THSD7A: variants seen among roughly 807,000 people sequenced by gnomAD.
THSD7A encodes thrombospondin type 1 domain containing 7A, also known as thrombospondin type-1 domain-containing protein 7A.
THSD7A carries 96 observed loss-of-function variants against 231.3 expected under a neutral mutation model. The observed-to-expected ratio is 0.41, with a 90% CI of 0.35 to 0.49. The LOEUF (loss-of-function observed/expected upper bound fraction) is 0.49. Among genes scored for constraint, THSD7A ranks in the 20% least tolerant of loss-of-function variants. The pLI is 0.05. For synonymous variants in THSD7A, 940 were observed against 743.3 expected (o/e 1.26, Z -4.30); for missense variants, 2,290 against 2,070.2 (o/e 1.11, Z -2.06).
intron 4 of THSD7A, among the ~76,000 whole-genome samples, chr7:11,588,347 G>A (rs748452968): frequency 3.3e-5 from 5 of 152,060 alleles, no homozygotes; most frequent in Non-Finnish European, 5.9e-5. Flanking sequence ...ACATTTTTAG[G>A]GAGAATTAAC....
chr7:11,636,413 C>T lies in THSD7A; in HGVS notation c.739G>A (p.Glu247Lys), dbSNP rs756049301. Residue 247 changes from glutamate (E) to lysine (K), a missense_variant, in exon 2 of 28, where the codon GAG becomes AAG. Coordinates refer to ENST00000423059, the MANE Select transcript of THSD7A (RefSeq NM_015204.3). This position sits in a 1 kb window ranked among gnomAD's most constrained non-coding sequence, Gnocchi z 10.0. ...AGGCTGTACCTGAGCTCCTCGGCCTCGCATGGACTGGATTGGCACACCTGG... is the reference window on the plus strand; with the variant it reads ...AGGCTGTACCTGAGCTCCTCGGCCTTGCATGGACTGGATTGGCACACCTGG... ...EFQVCQSSPC[E>K]AEELRYSLHV... 9.3e-6 allele frequency: 15 copies of T among 1,613,576 alleles called. No homozygotes were observed. The highest frequency in any genetic ancestry group is 1.1e-5 in the South Asian group (1 of 91,086).
At chr7:11,537,557 CCTTCCACCATGAGTAAAAG>C (rs1177937675) in intron 6 of THSD7A, among the ~76,000 whole-genome samples, 1 of 152,108 alleles carries the variant, frequency 6.6e-6, no homozygotes, top group East Asian at 1.9e-4. Context: ...TCCCACTTAG[CCTTCCACCATGAGTAAAAG>C]CTTCCTGAGG....
intron 4 of THSD7A, among the ~76,000 whole-genome samples, chr7:11,572,318 AT>A (rs1790672943): frequency 6.6e-6 from 1 of 152,112 alleles, no homozygotes; most frequent in African/African-American, 2.4e-5. Context: ...AATAATTTCT[AT>A]TGACTTGTCT....
intron 1 of THSD7A, among the ~76,000 whole-genome samples, chr7:11,821,804 TATTTC>T (rs912578825): frequency 6.6e-6 from 1 of 152,194 alleles, no homozygotes; most frequent in African/African-American, 2.4e-5. Flanking sequence ...CATCTGCCCT[TATTTC>T]ATTTCTTTTC....
intron 1 of THSD7A, among the ~76,000 whole-genome samples, chr7:11,774,919 G>T (rs915315462): frequency 6.6e-6 from 1 of 152,122 alleles, no homozygotes; most frequent in South Asian, 2.1e-4. Context: ...GCTGTGCGTG[G>T]TGGCATGTGC....
At chr7:11,393,254 G>A (rs549335819) in intron 23 of THSD7A, among the ~76,000 whole-genome samples, 83 of 152,234 alleles carry the variant, frequency 5.5e-4, no homozygotes, top group African/African-American at 1.9e-3. Context: ...ACAGGGTCTG[G>A]AGTGGACCTC....
intron 6 of THSD7A, among the ~76,000 whole-genome samples, chr7:11,483,097 C>T (rs1786497822): frequency 6.6e-6 from 1 of 152,130 alleles, no homozygotes; most frequent in East Asian, 1.9e-4. Flanking sequence ...GTGTGCCTCG[C>T]ATTAGGCATT....
chr7:11,379,469 C>T (rs558254846), intron 25 of THSD7A, 161 bp downstream of exon 25: 2 of 861,662 alleles, frequency 2.3e-6, no homozygotes, highest in South Asian at 3.6e-5. Flanking sequence ...AAGGTGAAAG[C>T]AAGTGAAGTC....
At chr7:11,540,541 G>A (rs994151646) in intron 6 of THSD7A, among the ~76,000 whole-genome samples, 1 of 152,224 alleles carries the variant, frequency 6.6e-6, no homozygotes, top group Non-Finnish European at 1.5e-5. Context: ...GGACCCTGGG[G>A]TTTAGCACTC....
chr7:11,503,040 T>C (rs1383375615), intron 6 of THSD7A, among the ~76,000 whole-genome samples: 1 of 152,170 alleles, frequency 6.6e-6, no homozygotes, highest in Non-Finnish European at 1.5e-5. Flanking sequence ...GCTGAGGGCA[T>C]CACATTCCCC....
At position 11,649,211 on chromosome 7, in the gene THSD7A, C is replaced by T. The variant is rs1009740880; in HGVS notation, c.191-12250G>A. On this transcript the variant is annotated intron_variant, in intron 1 of 27. Coordinates refer to ENST00000423059, the MANE Select transcript of THSD7A (RefSeq NM_015204.3). ...TGTTTTGAAAAGGAAATGAGACCTC[C>T]TGCCAGCAACCATGTGAGTGACCCA... 2.0e-5 allele frequency among the ~76,000 whole-genome samples: 3 copies of T among 151,998 alleles called. No homozygotes were observed. In the East Asian group the frequency reaches 5.8e-4, roughly 29 times the overall value.
chr7:11,464,146 A>G lies in THSD7A; in HGVS notation c.2369-2003T>C, dbSNP rs117394380. Reference sequence around the variant, plus strand: ...TATTTTTTTCTTTTGTTTTATGTGTATGAACTGTCCATAATCTTTTTTTTT... The same window carrying G: ...TATTTTTTTCTTTTGTTTTATGTGTGTGAACTGTCCATAATCTTTTTTTTT... On this transcript the variant is annotated intron_variant, in intron 9 of 27. Transcript: ENST00000423059. Among the ~76,000 whole-genome samples, 778 of 151,676 alleles carry G rather than the reference A, an allele frequency of 5.1e-3. 4 individuals are homozygous for G. Among genetic ancestry groups the G allele is most frequent in the Non-Finnish European group, 9.5e-3 (646 of 67,958 alleles).
intron 16 of THSD7A, among the ~76,000 whole-genome samples, chr7:11,423,743 C>T (rs978937992): frequency 1.3e-5 from 2 of 151,920 alleles, no homozygotes; most frequent in Non-Finnish European, 2.9e-5. Context: ...TCCAAGGCTG[C>T]CACTTTACTA....
intron 6 of THSD7A, among the ~76,000 whole-genome samples, chr7:11,523,224 G>C (rs1310877919): frequency 6.6e-6 from 1 of 151,924 alleles, no homozygotes; most frequent in African/African-American, 2.4e-5. Context: ...TAAAAATCTG[G>C]CTTCCTGATT....
intron 1 of THSD7A, among the ~76,000 whole-genome samples, chr7:11,786,101 A>G (rs1485516826): frequency 6.7e-6 from 1 of 148,266 alleles, no homozygotes; most frequent in Non-Finnish European, 1.5e-5. Context: ...TAAATCTTCA[A>G]TTGCTCTTTC....
At chr7:11,454,159 T>C (rs1316996690) in intron 11 of THSD7A, among the ~76,000 whole-genome samples, 7 of 152,014 alleles carry the variant, frequency 4.6e-5, no homozygotes, top group Admixed American at 1.3e-4. Context: ...TTATTGACAA[T>C]TTTATAGGGA....
At chr7:11,576,931 A>G (rs1790935931) in intron 4 of THSD7A, among the ~76,000 whole-genome samples, 1 of 152,218 alleles carries the variant, frequency 6.6e-6, no homozygotes. Context: ...CAGGGCATTT[A>G]TTCTGAAGCA....
chr7:11,720,277 C>T (rs551176737), intron 1 of THSD7A, among the ~76,000 whole-genome samples: 1 of 151,864 alleles, frequency 6.6e-6, no homozygotes, highest in East Asian at 2.0e-4. Flanking sequence ...AGCTTCATCT[C>T]ACAACACAAA....
chr7:11,784,263 T>A (rs1294696536), intron 1 of THSD7A, among the ~76,000 whole-genome samples: 1 of 151,740 alleles, frequency 6.6e-6, no homozygotes, highest in Non-Finnish European at 1.5e-5. Context: ...TATATATACA[T>A]CCTTTTTATT....
Sources: allele counts gnomAD v4.1 joint callset (sites outside exome capture counted in the v4.1 genomes callset), GRCh38; gene constraint gnomAD v4.1.1; non-coding constraint Gnocchi (gnomAD v3.1); transcripts MANE v1.5; gene names NCBI Gene and HGNC (gene_info 2026-07-23, HGNC 2026-07-21).